The following SPIDR variants were observed in gnomAD, a reference collection of about 807,000 sequenced individuals.
SPIDR encodes scaffold protein involved in DNA repair, also known as DNA repair-scaffolding protein.
SPIDR carries 93 observed loss-of-function variants against 104.6 expected under a neutral mutation model. The observed-to-expected ratio is 0.89, with a 90% confidence interval of 0.75 to 1.06. The LOEUF (loss-of-function observed/expected upper bound fraction) is 1.06. Ranked by LOEUF, SPIDR falls within the 50% of genes least tolerant of loss-of-function variation. The probability of loss-of-function intolerance (pLI) is 0.00; values close to 1 mark genes in which losing one functional copy is unlikely to be tolerated. For missense variants in SPIDR, 1,154 were observed against 1,111.2 expected (o/e 1.04, Z -0.55); for synonymous variants, 431 against 416.9 (o/e 1.03, Z -0.41).
intron 5 of SPIDR, among the ~76,000 whole-genome samples, chr8:47,343,148 A>AGAGT (rs1198243317): frequency 6.6e-6 from 1 of 152,194 alleles, no homozygotes; most frequent in African/African-American, 2.4e-5. Context: ...TTGAGAATAC[A>AGAGT]GAGTGCCTTT....
chr8:47,539,412 G>A (rs1324661173), intron 8 of SPIDR, among the ~76,000 whole-genome samples: 1 of 152,016 alleles, frequency 6.6e-6, no homozygotes, highest in Non-Finnish European at 1.5e-5. Flanking sequence ...GACCACACAG[G>A]GCCCATCCTA....
chr8:47,728,422 G>A (rs1336296575), intron 17 of SPIDR, among the ~76,000 whole-genome samples: 1 of 151,948 alleles, frequency 6.6e-6, no homozygotes, highest in Non-Finnish European at 1.5e-5. Context: ...GGGTAACAGA[G>A]AGAGAGCGAG....
chr8:47,438,236 G>A (rs2068726977), intron 7 of SPIDR, among the ~76,000 whole-genome samples: 1 of 152,204 alleles, frequency 6.6e-6, no homozygotes, highest in Non-Finnish European at 1.5e-5. Context: ...AGCCCTGACA[G>A]CTGCTGCTGT....
chr8:47,406,093 T>G (rs1335449347), intron 6 of SPIDR, among the ~76,000 whole-genome samples: 1 of 148,630 alleles, frequency 6.7e-6, no homozygotes, highest in African/African-American at 2.5e-5. Context: ...CATTTTGCCT[T>G]TTTTTTTTTT....
rs139091080 is a variant in SPIDR at position 47,481,521 on chromosome 8, A to G, written c.1097+40979A>G. Reference sequence around the variant, plus strand: ...CAAGGCAGGGTGGCACATGCCTGTAATCCCAGCTACTCTGGAGTCTGAGGC... The same window carrying G: ...CAAGGCAGGGTGGCACATGCCTGTAGTCCCAGCTACTCTGGAGTCTGAGGC... On this transcript the variant is annotated intron_variant, in intron 8 of 19. Transcript: ENST00000297423. Among the ~76,000 whole-genome samples the G allele has an allele frequency of 2.2e-3, 341 of 152,320 alleles. 1 individual carries two copies. The highest frequency in any genetic ancestry group is 3.6e-3 in the Non-Finnish European group (244 of 68,036).
At chr8:47,426,371 T>G (rs574103793) in intron 7 of SPIDR, among the ~76,000 whole-genome samples, 1 of 152,088 alleles carries the variant, frequency 6.6e-6, no homozygotes, top group Non-Finnish European at 1.5e-5. Flanking sequence ...GCCTTTTTAT[T>G]CTTTCTTGCC....
chr8:47,554,690 T>C (rs1276498978), intron 8 of SPIDR, among the ~76,000 whole-genome samples: 1 of 152,182 alleles, frequency 6.6e-6, no homozygotes, highest in African/African-American at 2.4e-5. Context: ...CCCGACCCCT[T>C]GCGCTTCCCG....
At position 47,555,009 on chromosome 8, in the gene SPIDR, AT is replaced by A. The variant is rs2091148261; in HGVS notation, c.1098-40794del. On this transcript the variant is annotated intron_variant, in intron 8 of 19. Coordinates refer to ENST00000297423, the MANE Select transcript of SPIDR (RefSeq NM_001080394.4). ...TTCTTGGTCTAGAAATTAATAGCAA[AT>A]TTTTTTTCCTAAATCTTAGTCTTGA... Among the ~76,000 whole-genome samples, 7 of 152,146 alleles carry A rather than the reference AT, an allele frequency of 4.6e-5. No individual in the cohort carries two copies. In the South Asian group the frequency reaches 1.2e-3, roughly 27 times the overall value.
intron 8 of SPIDR, among the ~76,000 whole-genome samples, chr8:47,570,169 T>TA (rs1347453806): frequency 6.6e-6 from 1 of 152,078 alleles, no homozygotes; most frequent in African/African-American, 2.4e-5. Context: ...CTTTCCAATT[T>TA]AAAAAAGTGC....
chr8:47,493,030 A>T (rs2078965110), intron 8 of SPIDR, among the ~76,000 whole-genome samples: 1 of 143,290 alleles, frequency 7.0e-6, no homozygotes. Context: ...AGAGAGAGAG[A>T]GAGAGAGAGT....
chr8:47,340,168 A>G (rs2050474282), intron 5 of SPIDR, among the ~76,000 whole-genome samples: 1 of 151,988 alleles, frequency 6.6e-6, no homozygotes, highest in Admixed American at 6.6e-5. Flanking sequence ...GAAGTTTCTA[A>G]CACAAAAGAG....
chr8:47,373,245 A>G (rs1452237646), intron 5 of SPIDR, among the ~76,000 whole-genome samples: 1 of 152,212 alleles, frequency 6.6e-6, no homozygotes, highest in African/African-American at 2.4e-5. Context: ...TCCATAGACT[A>G]ATTTCCTAAC....
chr8:47,543,762 C>T (rs2088708893), intron 8 of SPIDR, among the ~76,000 whole-genome samples: 1 of 152,164 alleles, frequency 6.6e-6, no homozygotes, highest in Non-Finnish European at 1.5e-5. Flanking sequence ...ACCCTCATAG[C>T]ACATCCTCTG....
chr8:47,382,315 A>T (rs2154300894), intron 5 of SPIDR, among the ~76,000 whole-genome samples: 1 of 152,374 alleles, frequency 6.6e-6, no homozygotes, highest in African/African-American at 2.4e-5. Context: ...TGAACATTTC[A>T]TAAAGAAATG....
intron 5 of SPIDR, among the ~76,000 whole-genome samples, chr8:47,381,548 G>A (rs2059328288): frequency 6.6e-6 from 1 of 152,214 alleles, no homozygotes. Flanking sequence ...TTTAAGAAAG[G>A]GAGGCTGAAC....
chr8:47,510,951 G>T, intron 8 of SPIDR: 1 of 629,502 alleles, frequency 1.6e-6, no homozygotes, highest in Non-Finnish European at 2.9e-6. Flanking sequence ...GTGTACAAGG[G>T]GGCAGGAGGG....
At chr8:47,527,222 A>G (rs1240638646) in intron 8 of SPIDR, among the ~76,000 whole-genome samples, 1 of 152,168 alleles carries the variant, frequency 6.6e-6, no homozygotes, top group East Asian at 1.9e-4. Context: ...AAACTGTTTT[A>G]CCAGAGTCTG....
intron 5 of SPIDR, among the ~76,000 whole-genome samples, chr8:47,342,321 C>T (rs2050905554): frequency 7.5e-6 from 1 of 133,536 alleles, no homozygotes; most frequent in Admixed American, 7.5e-5. Context: ...ATTGTACTTT[C>T]AAAGGTCTTT....
intron 8 of SPIDR, among the ~76,000 whole-genome samples, chr8:47,455,178 T>C (rs1178604983): frequency 6.6e-6 from 1 of 152,084 alleles, no homozygotes; most frequent in Non-Finnish European, 1.5e-5. Context: ...TACTTACAAA[T>C]CTATATTAGG....
Sources: allele counts gnomAD v4.1 joint callset (sites outside exome capture counted in the v4.1 genomes callset), GRCh38; gene constraint gnomAD v4.1.1; transcripts MANE v1.5; gene names NCBI Gene and HGNC (gene_info 2026-07-23, HGNC 2026-07-21).